ADAMTSL1: variants seen among roughly 807,000 people sequenced by gnomAD.
ADAMTSL1 encodes ADAMTS like 1, also known as ADAMTS-like protein 1.
Under a neutral mutation model 201.8 loss-of-function variants are expected in ADAMTSL1, and 126 were observed. The ratio of observed to expected loss-of-function variants is 0.62; its 90% confidence interval spans 0.54 to 0.72. ADAMTSL1 has a LOEUF of 0.72. Ranked by LOEUF, ADAMTSL1 falls within the 30% of genes least tolerant of loss-of-function variation. The pLI is 0.00. For synonymous variants in ADAMTSL1, 1,121 were observed against 903.4 expected (o/e 1.24, Z -4.32); for missense variants, 2,679 against 2,277.8 (o/e 1.18, Z -3.59).
chr9:18,058,741 G>T (rs776871042), intron 1 of ADAMTSL1, among the ~76,000 whole-genome samples: 2 of 152,128 alleles, frequency 1.3e-5, no homozygotes, highest in Admixed American at 1.3e-4. Flanking sequence ...AAAACATTTT[G>T]TCTGTACATC....
At chr9:18,762,077 A>G (rs181052474) in intron 16 of ADAMTSL1, among the ~76,000 whole-genome samples, 1 of 152,326 alleles carries the variant, frequency 6.6e-6, no homozygotes, top group Non-Finnish European at 1.5e-5. Flanking sequence ...TGCTCATCCA[A>G]TCATCAATTC....
intron 2 of ADAMTSL1, among the ~76,000 whole-genome samples, chr9:18,426,628 G>T (rs139164013): frequency 4.5e-4 from 69 of 152,018 alleles, no homozygotes; most frequent in African/African-American, 1.6e-3. Context: ...TGAGACTTTC[G>T]GTAACCCATC....
intron 23 of ADAMTSL1, among the ~76,000 whole-genome samples, chr9:18,861,081 T>C (rs1057062852): frequency 6.6e-5 from 10 of 152,128 alleles, no homozygotes; most frequent in African/African-American, 2.4e-4. Flanking sequence ...TCCCTCGTTA[T>C]ACAGAGATCA....
chr9:18,118,127 A>G (rs544609594), intron 1 of ADAMTSL1, among the ~76,000 whole-genome samples: 12 of 152,286 alleles, frequency 7.9e-5, no homozygotes, highest in Admixed American at 2.0e-4. Flanking sequence ...GATGAGTTTC[A>G]TAAGTTATCT....
chr9:18,287,334 CGT>C (rs1311555030), intron 2 of ADAMTSL1, among the ~76,000 whole-genome samples: 4 of 151,018 alleles, frequency 2.6e-5, no homozygotes, highest in South Asian at 4.2e-4. Flanking sequence ...CACACACACA[CGT>C]GTGTGTATAT....
At chr9:18,871,639 C>G (rs1187927133) in intron 23 of ADAMTSL1, among the ~76,000 whole-genome samples, 1 of 152,156 alleles carries the variant, frequency 6.6e-6, no homozygotes, top group Non-Finnish European at 1.5e-5. Context: ...TACATTTTTC[C>G]ATCCACAGGG....
Position 18,777,512 on chromosome 9 carries a change from C to A in ADAMTSL1, c.3283C>A (p.Leu1095Ile). 1 of 1,600,012 alleles carries A rather than the reference C, an allele frequency of 6.2e-7. No homozygotes were observed. Among genetic ancestry groups the A allele is most frequent in the East Asian group, 2.3e-5 (1 of 44,106 alleles). The part of the protein sequence containing the change: ...LSQQPEELRD[L>I]YSKHLVAQLA... ...CCAGCAGCCCGAGGAGCTGCGCGAC[C>A]TCTACAGCAAGCACCTGGTGGCCCA... Residue 1095 changes from leucine to isoleucine, a missense_variant, in exon 19 of 29, where the codon CTC becomes ATC. Coordinates refer to ENST00000380548, the MANE Select transcript of ADAMTSL1 (RefSeq NM_001040272.6).
chr9:18,278,279 T>A (rs1301764361), intron 2 of ADAMTSL1, among the ~76,000 whole-genome samples: 1 of 152,230 alleles, frequency 6.6e-6, no homozygotes, highest in African/African-American at 2.4e-5. Context: ...TATTGTTAAG[T>A]AGCATTGTTT....
intron 1 of ADAMTSL1, among the ~76,000 whole-genome samples, chr9:18,063,692 T>G (rs1822563400): frequency 2.0e-5 from 3 of 152,192 alleles, no homozygotes; most frequent in African/African-American, 7.2e-5. Context: ...AGCTCCTGGA[T>G]AGTTCCCACA....
intron 2 of ADAMTSL1, among the ~76,000 whole-genome samples, chr9:18,291,716 T>TC (rs1833271423): frequency 4.2e-4 from 48 of 114,582 alleles, no homozygotes; most frequent in African/African-American, 7.9e-4. Context: ...CTCTCTCTCT[T>TC]TCTCTCTCTC....
rs560190486 is a variant in ADAMTSL1, at chr9:18,292,434, C to T, written c.207+128453C>T. Among the ~76,000 whole-genome samples, 53 of 152,144 alleles carry T rather than the reference C, an allele frequency of 3.5e-4. No homozygotes were observed. The Middle Eastern group carries it at 0.01, about 29-fold the overall frequency. On this transcript the variant is annotated intron_variant, in intron 2 of 29. Transcript: ENST00000680146. ...AGGGCCTGTGATGATTAATATTGAG[C>T]GTCAACTTGATTGGATTGAAGGATG...
intron 13 of ADAMTSL1, among the ~76,000 whole-genome samples, chr9:18,706,016 T>C (rs1260430259): frequency 1.3e-5 from 2 of 152,200 alleles, no homozygotes; most frequent in African/African-American, 4.8e-5. Flanking sequence ...AAAGCAAGTT[T>C]ATTAAAGTAA....
At chr9:18,857,893 C>G (rs1409529405) in intron 23 of ADAMTSL1, among the ~76,000 whole-genome samples, 1 of 152,154 alleles carries the variant, frequency 6.6e-6, no homozygotes. Flanking sequence ...TCATATCATT[C>G]TTTAAGAACT....
Position 18,777,427 on chromosome 9 carries a change from C to T in ADAMTSL1, c.3198C>T (p.His1066=). The change falls in exon 19 of 29, where the codon CAC becomes CAT. Residue 1066 remains histidine (H), a synonymous_variant. Transcript: ENST00000380548. ...CGGGTGCAGAGCAAGTGCTCCTGCACCTGCCCTTCACCATGGTGACCGAGC... is the reference window on the plus strand; with the variant it reads ...CGGGTGCAGAGCAAGTGCTCCTGCATCTGCCCTTCACCATGGTGACCGAGC... ...EDPGAEQVLL[H]LPFTMVTEQR... 1 of 1,600,258 alleles carries T rather than the reference C, an allele frequency of 6.2e-7. No individual in the cohort carries two copies. The highest frequency in any genetic ancestry group is 1.3e-5 in the African/African-American group (1 of 74,782).
At chr9:17,985,381 G>T (rs556873756) in intron 1 of ADAMTSL1, among the ~76,000 whole-genome samples, 31 of 152,086 alleles carry the variant, frequency 2.0e-4, no homozygotes, top group African/African-American at 7.0e-4. Flanking sequence ...TATCTAGGAA[G>T]ACCATTTAAA....
At chr9:18,089,313 C>T (rs1427539170) in intron 1 of ADAMTSL1, among the ~76,000 whole-genome samples, 10 of 152,102 alleles carry the variant, frequency 6.6e-5, no homozygotes, top group African/African-American at 2.2e-4. Flanking sequence ...ATGTCCTTTG[C>T]AGGAACATGG....
In ADAMTSL1 at chr9:17,949,448, G is replaced by A. The variant is rs1827642559; in HGVS notation, c.87+42526G>A. Among the ~76,000 whole-genome samples the A allele has an allele frequency of 2.0e-5, 3 of 152,160 alleles. No individual in the cohort carries two copies. In the South Asian group the frequency reaches 6.2e-4, roughly 32 times the overall value. On this transcript the variant is annotated intron_variant, in intron 1 of 29. Transcript: ENST00000680146. ...GCAGGGCTTTGGAAGGAGAGTGAGG[G>A]TCTTGTATTCAGAGTTCAAAGGAAA...
intron 2 of ADAMTSL1, among the ~76,000 whole-genome samples, chr9:18,181,297 A>C (rs2132178083): frequency 6.6e-6 from 1 of 152,360 alleles, no homozygotes; most frequent in East Asian, 1.9e-4. Context: ...GGATCTCATT[A>C]AACTAAAGAG....
At chr9:18,147,941 A>T (rs375009307) in intron 1 of ADAMTSL1, among the ~76,000 whole-genome samples, 1 of 151,968 alleles carries the variant, frequency 6.6e-6, no homozygotes. Context: ...GGAAGTTTTT[A>T]CCTGCCATTA....
Sources: allele counts gnomAD v4.1 joint callset (sites outside exome capture counted in the v4.1 genomes callset), GRCh38; gene constraint gnomAD v4.1.1; transcripts MANE v1.5; gene names NCBI Gene and HGNC (gene_info 2026-07-23, HGNC 2026-07-21).